The following ATP10B variants were observed in gnomAD, a reference collection of about 807,000 sequenced individuals.
ATP10B encodes phospholipid-transporting ATPase VB.
In ATP10B, 122 loss-of-function variants were observed where a neutral mutation model predicts 141.2. That is an observed-to-expected ratio of 0.86 (90% confidence interval 0.75 to 1.00). The LOEUF (loss-of-function observed/expected upper bound fraction) is 1.00. Ranked by LOEUF, ATP10B falls within the 50% of genes least tolerant of loss-of-function variation. The pLI is 0.00. For missense variants in ATP10B, 1,876 were observed against 1,825.3 expected, an observed-to-expected ratio of 1.03 and a Z score of -0.51; for synonymous variants, 685 against 692.0, an observed-to-expected ratio of 0.99 and a Z score of 0.16.
chr5:160,723,386 G>A (rs1024503300), intron 2 of ATP10B, among the ~76,000 whole-genome samples: 4 of 152,262 alleles, frequency 2.6e-5, no homozygotes, highest in Non-Finnish European at 4.4e-5. Context: ...GAATACACAG[G>A]GAGAAGAGGA....
At chr5:160,644,077 T>C in intron 9 of ATP10B, 61 bp downstream of exon 9, 1 of 1,364,110 alleles carries the variant, frequency 7.3e-7, no homozygotes, top group Non-Finnish European at 1.0e-6. Context: ...TGACTGAAGA[T>C]GGATTTGGAG....
At chr5:160,821,639 G>A (rs1774113322) in intron 1 of ATP10B, among the ~76,000 whole-genome samples, 1 of 152,044 alleles carries the variant, frequency 6.6e-6, no homozygotes, top group African/African-American at 2.4e-5. Context: ...AAAACAGCAT[G>A]GTACCGGCAT....
At chr5:160,812,020 C>CAGAGAGAGAGAGAG (rs34793101) in intron 1 of ATP10B, among the ~76,000 whole-genome samples, 7 of 111,406 alleles carry the variant, frequency 6.3e-5, no homozygotes, top group South Asian at 3.1e-4. Context: ...GAGACAGAGA[C>CAGAGAGAGAGAGAG]AGAGAGAGAG....
intron 2 of ATP10B, among the ~76,000 whole-genome samples, chr5:160,726,264 G>C (rs1341710385): frequency 6.6e-6 from 1 of 152,174 alleles, no homozygotes; most frequent in African/African-American, 2.4e-5. Flanking sequence ...TAGGAAAGTT[G>C]CCTGGCATGC....
chr5:160,880,213 TAA>T, the ATP10B span, among the ~76,000 whole-genome samples: 20 of 61,328 alleles, frequency 3.3e-4, no homozygotes, highest in African/African-American at 7.7e-4. Context: ...ATATAATATA[TAA>T]AATATAAATA....
rs1758988285 is a variant in ATP10B, at chr5:160,632,263, T to C, written c.1486A>G (p.Met496Val). ...GGCTGAGCACCTTTTTGGCTTCTCATAGTTGCTGGATCCTGGGCCCATCTA... is the reference window on the plus strand; with the variant it reads ...GGCTGAGCACCTTTTTGGCTTCTCACAGTTGCTGGATCCTGGGCCCATCTA... ...SARWAQDPAT[M>V]RSQKGAQPLR... is the part of the protein sequence containing the mutation. Residue 496 changes from methionine to valine, a missense_variant, in exon 13 of 26, where the codon ATG (methionine) becomes GTG (valine). Met to Val is a conservative substitution (Grantham distance 21, BLOSUM62 1). Coordinates refer to ENST00000327245, the MANE Select transcript of ATP10B (RefSeq NM_025153.3). The C allele has an allele frequency of 1.2e-6, 2 of 1,614,218 alleles. No individual in the cohort carries two copies. The highest frequency in any genetic ancestry group is 1.3e-5 in the African/African-American group (1 of 75,058).
intron 2 of ATP10B, among the ~76,000 whole-genome samples, chr5:160,780,765 C>T (rs1191501795): frequency 6.6e-6 from 1 of 152,154 alleles, no homozygotes; most frequent in Non-Finnish European, 1.5e-5. Context: ...GAGATGGCAT[C>T]ATTAAAGTGA....
the ATP10B span, among the ~76,000 whole-genome samples, chr5:160,901,775 C>T: frequency 6.6e-6 from 1 of 152,172 alleles, no homozygotes; most frequent in Non-Finnish European, 1.5e-5. Context: ...ATTTTTCCAT[C>T]ATACCCAACA....
chr5:160,600,510 T>C (rs1485586710), intron 21 of ATP10B, among the ~76,000 whole-genome samples: 3 of 152,210 alleles, frequency 2.0e-5, no homozygotes, highest in African/African-American at 4.8e-5. Context: ...TGATTCCTGC[T>C]CTATACCCAT....
chr5:160,570,747 T>G (rs898042405), intron 24 of ATP10B, among the ~76,000 whole-genome samples: 10 of 152,234 alleles, frequency 6.6e-5, no homozygotes, highest in Non-Finnish European at 1.0e-4. Flanking sequence ...ACCCGAGGTA[T>G]CTTTTTAAGT....
At chr5:160,782,743 A>G (rs1018875347) in intron 2 of ATP10B, among the ~76,000 whole-genome samples, 2 of 152,002 alleles carry the variant, frequency 1.3e-5, no homozygotes, top group Non-Finnish European at 2.9e-5. Context: ...AGAAATTATC[A>G]TTAATTCCTG....
chr5:160,813,866 C>G (rs1204764774), intron 1 of ATP10B, among the ~76,000 whole-genome samples: 2 of 152,198 alleles, frequency 1.3e-5, no homozygotes, highest in Non-Finnish European at 2.9e-5. Flanking sequence ...GATACCCAGG[C>G]AAACAGGGTC....
the ATP10B span, among the ~76,000 whole-genome samples, chr5:160,917,610 C>T: frequency 6.6e-6 from 1 of 152,130 alleles, no homozygotes; most frequent in Non-Finnish European, 1.5e-5. Flanking sequence ...TTACAATCCT[C>T]AAGTCAAATC....
chr5:160,778,039 A>T (rs1415534008), intron 2 of ATP10B, among the ~76,000 whole-genome samples: 1 of 152,216 alleles, frequency 6.6e-6, no homozygotes, highest in Non-Finnish European at 1.5e-5. Context: ...GGAAGGATAC[A>T]CACATACAAA....
intron 3 of ATP10B, among the ~76,000 whole-genome samples, chr5:160,705,429 AT>A (rs1408785315): frequency 1.3e-5 from 2 of 151,840 alleles, no homozygotes; most frequent in African/African-American, 4.8e-5. Flanking sequence ...GGGTCTCACC[AT>A]TTTGCTCAGG....
chr5:160,897,948 C>T, the ATP10B span, among the ~76,000 whole-genome samples: 1 of 152,128 alleles, frequency 6.6e-6, no homozygotes, highest in Non-Finnish European at 1.5e-5. Context: ...GGAAACGATG[C>T]CCTATTTAAT....
At chr5:160,687,416 GC>G (rs1219671816) in intron 5 of ATP10B, among the ~76,000 whole-genome samples, 1 of 152,104 alleles carries the variant, frequency 6.6e-6, no homozygotes, top group African/African-American at 2.4e-5. Flanking sequence ...AGGAAAGGTG[GC>G]CCCCAGAGGG....
chr5:160,887,446 C>T, the ATP10B span, among the ~76,000 whole-genome samples: 1 of 152,166 alleles, frequency 6.6e-6, no homozygotes, highest in African/African-American at 2.4e-5. Context: ...GTTCAGAACC[C>T]ATGGATATGG....
At chr5:160,774,406 G>A (rs560637108) in intron 2 of ATP10B, among the ~76,000 whole-genome samples, 1 of 152,262 alleles carries the variant, frequency 6.6e-6, no homozygotes, top group African/African-American at 2.4e-5. Flanking sequence ...ATGACTTTAG[G>A]CAAATCTCTC....
Sources: allele counts gnomAD v4.1 joint callset (sites outside exome capture counted in the v4.1 genomes callset), GRCh38; gene constraint gnomAD v4.1.1; transcripts MANE v1.5; gene names NCBI Gene and HGNC (gene_info 2026-07-23, HGNC 2026-07-21).